CIMIP6: variants seen among roughly 807,000 people sequenced by gnomAD.
The protein encoded by CIMIP6 is uncharacterized protein C2orf73.
the CIMIP6 span, among the ~76,000 whole-genome samples, chr2:54,374,777 C>G: frequency 9.8e-5 from 15 of 152,316 alleles, no homozygotes; most frequent in South Asian, 2.7e-3. Flanking sequence ...AATTTTGCTT[C>G]TAGAGCAAAT....
At chr2:54,343,117 G>A in the CIMIP6 span, among the ~76,000 whole-genome samples, 1 of 152,100 alleles carries the variant, frequency 6.6e-6, no homozygotes, top group South Asian at 2.1e-4. Context: ...ACAAATCAAT[G>A]AGTTGCAGTC....
At chr2:54,369,232 T>G in the CIMIP6 span, among the ~76,000 whole-genome samples, 1 of 152,156 alleles carries the variant, frequency 6.6e-6, no homozygotes, top group African/African-American at 2.4e-5. Context: ...GGTGTGTATG[T>G]GTGTCTGCCT....
the CIMIP6 span, among the ~76,000 whole-genome samples, chr2:54,366,444 C>A: frequency 4.6e-5 from 7 of 152,152 alleles, no homozygotes; most frequent in Non-Finnish European, 1.0e-4. Flanking sequence ...TTTCTTTAAT[C>A]GCTTGTAGCA....
At chr2:54,367,462 A>AT in the CIMIP6 span, among the ~76,000 whole-genome samples, 2,693 of 151,960 alleles carry the variant, frequency 0.018, 84 homozygotes, top group African/African-American at 0.055. Context: ...GTGAAACAGG[A>AT]TTTTTTTTGA....
chr2:54,374,607 C>T, the CIMIP6 span, among the ~76,000 whole-genome samples: 2 of 152,172 alleles, frequency 1.3e-5, no homozygotes, highest in African/African-American at 4.8e-5. Context: ...ACATTTTGTT[C>T]CCTTCATAGG....
At chr2:54,375,173 A>G in the CIMIP6 span, among the ~76,000 whole-genome samples, 4 of 152,230 alleles carry the variant, frequency 2.6e-5, no homozygotes, top group African/African-American at 9.6e-5. Flanking sequence ...GTGTTGACAT[A>G]GCAAAAAATG....
the CIMIP6 span, among the ~76,000 whole-genome samples, chr2:54,374,877 G>A: frequency 2.1e-4 from 32 of 152,340 alleles, no homozygotes; most frequent in Admixed American, 1.5e-3. Flanking sequence ...AGAAGGCTCC[G>A]TGCAGCCTTC....
the CIMIP6 span, among the ~76,000 whole-genome samples, chr2:54,345,197 A>T: frequency 6.6e-6 from 1 of 152,196 alleles, no homozygotes; most frequent in Admixed American, 6.5e-5. Flanking sequence ...CAAGTTTTAC[A>T]TAGCAGGGGA....
chr2:54,356,430 C>G, the CIMIP6 span, among the ~76,000 whole-genome samples: 2 of 152,162 alleles, frequency 1.3e-5, no homozygotes, highest in African/African-American at 4.8e-5. Context: ...TAAAAGCTCT[C>G]CCACAACTTA....
At chr2:54,335,497 T>C in the CIMIP6 span, among the ~76,000 whole-genome samples, 1 of 152,210 alleles carries the variant, frequency 6.6e-6, no homozygotes, top group Non-Finnish European at 1.5e-5. Flanking sequence ...ATAACACATA[T>C]TCCTTTGAGG....
the CIMIP6 span, among the ~76,000 whole-genome samples, chr2:54,341,084 A>G: frequency 6.6e-6 from 1 of 152,376 alleles, no homozygotes; most frequent in East Asian, 1.9e-4. Flanking sequence ...TTTTTGATCA[A>G]CAAAAGTAGA....
At chr2:54,354,672 T>C in the CIMIP6 span, among the ~76,000 whole-genome samples, 1 of 152,114 alleles carries the variant, frequency 6.6e-6, no homozygotes, top group Non-Finnish European at 1.5e-5. Flanking sequence ...TTGATTTTTA[T>C]ACATTTATCC....
chr2:54,377,836 C>G, the CIMIP6 span, among the ~76,000 whole-genome samples: 27 of 152,144 alleles, frequency 1.8e-4, no homozygotes, highest in African/African-American at 6.5e-4. Flanking sequence ...ATTTCATTAA[C>G]CTTTAAGCCT....
chr2:54,344,096 C>G, the CIMIP6 span, among the ~76,000 whole-genome samples: 1 of 152,134 alleles, frequency 6.6e-6, no homozygotes. Flanking sequence ...TTGTATTGAT[C>G]ATTAATAACA....
chr2:54,340,822 A>G, the CIMIP6 span, among the ~76,000 whole-genome samples: 1 of 152,292 alleles, frequency 6.6e-6, no homozygotes, highest in East Asian at 1.9e-4. Context: ...AAATATAGCC[A>G]GGCGTGGTGG....
At chr2:54,367,570 G>T in the CIMIP6 span, among the ~76,000 whole-genome samples, 222 of 152,190 alleles carry the variant, frequency 1.5e-3, 1 homozygote, top group East Asian at 0.016. Flanking sequence ...AGGACAGGCA[G>T]CATGAAACCA....
At chr2:54,362,652 A>G in the CIMIP6 span, among the ~76,000 whole-genome samples, 2,363 of 152,272 alleles carry the variant, frequency 0.016, 70 homozygotes, top group African/African-American at 0.053. Flanking sequence ...GGTTCAAGCA[A>G]TCCTCCAACC....
At chr2:54,350,988 C>T in the CIMIP6 span, among the ~76,000 whole-genome samples, 3 of 152,132 alleles carry the variant, frequency 2.0e-5, no homozygotes, top group Non-Finnish European at 2.9e-5. Flanking sequence ...CAAAGAGAGC[C>T]TTTCTATATA....
At chr2:54,358,278 A>G in the CIMIP6 span, among the ~76,000 whole-genome samples, 1 of 152,228 alleles carries the variant, frequency 6.6e-6, no homozygotes, top group Non-Finnish European at 1.5e-5. Context: ...GGCCACAGCC[A>G]CTGGCCAAAC....
Sources: gnomAD v4.1 joint callset for allele counts (sites outside exome capture counted in the v4.1 genomes callset) on GRCh38, gnomAD v4.1.1 for gene constraint, MANE v1.5 for transcripts, NCBI Gene and HGNC (gene_info 2026-07-23, HGNC 2026-07-21) for gene names.